The following PARVG variants were observed in gnomAD, a reference collection of about 807,000 sequenced individuals.
The protein encoded by PARVG is parvin gamma, also known as gamma-parvin.
A neutral mutation model predicts 44.4 loss-of-function variants in PARVG; 36 were observed. The observed-to-expected ratio is 0.81, with a 90% confidence interval of 0.62 to 1.07. The LOEUF is 1.07. Ranked by LOEUF, PARVG falls within the 50% of genes least tolerant of loss-of-function variation. The pLI is 0.00. For synonymous variants in PARVG, 170 were observed against 174.1 expected, an observed-to-expected ratio of 0.98 and a Z score of 0.19; for missense variants, 407 against 407.4, an observed-to-expected ratio of 1.00 and a Z score of 0.01.
chr22:44,182,100 C>G lies in PARVG; in HGVS notation c.-13+183C>G, dbSNP rs2054390078. 1.3e-5 allele frequency among the ~76,000 whole-genome samples: 2 copies of G among 152,142 alleles called. No individual in the cohort carries two copies. The highest frequency in any genetic ancestry group is 4.1e-4 in the South Asian group (2 of 4,824). The stretch of plus-strand genomic sequence containing the variant: ...CGGCTGCCCCTGCTCAGAGGCTGCT[C>G]GGCGTCCTCCCTCCCTGTTCTACTG... On this transcript the variant is annotated intron_variant, in intron 2 of 13. Coordinates refer to ENST00000444313, the MANE Select transcript of PARVG (RefSeq NM_022141.7). This position sits in a 1 kb window ranked among gnomAD's most constrained non-coding sequence, Gnocchi z 4.6.
chr22:44,191,958 G>A (rs1187625828), intron 7 of PARVG, 91 bp from the exon 8 acceptor site: 1 of 1,408,736 alleles, frequency 7.1e-7, no homozygotes, highest in Non-Finnish European at 1.0e-6. Context: ...GTCCTGAGGA[G>A]GGATGATACA....
At position 44,183,371 on chromosome 22, in the gene PARVG, G is replaced by A. The variant is rs531298440; in HGVS notation, c.42G>A (p.Lys14=). 23 of 1,609,906 alleles carry A rather than the reference G, an allele frequency of 1.4e-5. No individual in the cohort carries two copies. The Admixed American group carries it at 2.0e-4, about 14-fold the overall frequency. ...EFLYDLLQLP[K]GVEPPAEEEL... ...TGTACGACCTGCTGCAGCTCCCCAAGGGGGTGGAGCCCCCAGCGGAGGAGG... is the reference window on the plus strand; with the variant it reads ...TGTACGACCTGCTGCAGCTCCCCAAAGGGGTGGAGCCCCCAGCGGAGGAGG... Residue 14 remains lysine, a synonymous_variant, in exon 3 of 14, where the codon AAG becomes AAA. Transcript: ENST00000444313.
chr22:44,195,074 C>A (rs76879423), intron 9 of PARVG, among the ~76,000 whole-genome samples: 1 of 152,084 alleles, frequency 6.6e-6, no homozygotes, highest in Non-Finnish European at 1.5e-5. Flanking sequence ...GAGATAATAA[C>A]CTGCCAGGAG....
At chr22:44,184,297 G>A (rs564047989) in intron 3 of PARVG, 9 of 152,336 alleles carry the variant, frequency 5.9e-5, no homozygotes, top group South Asian at 2.1e-4. Context: ...AGCAGAATGC[G>A]GCTTTCTCCA....
intron 11 of PARVG, among the ~76,000 whole-genome samples, 191 bp downstream of exon 11, chr22:44,196,606 C>CGG (rs11404935): frequency 0.21 from 32,171 of 151,326 alleles, 4,221 homozygotes; most frequent in Middle Eastern, 0.34. Flanking sequence ...GGTGGGATCC[C>CGG]GGGGGTGGAG....
chr22:44,199,921 G>T (rs2054682838), intron 12 of PARVG, among the ~76,000 whole-genome samples: 1 of 152,178 alleles, frequency 6.6e-6, no homozygotes, highest in African/African-American at 2.4e-5. Flanking sequence ...TGGTGGACTG[G>T]CTGGGAGCTG....
At position 44,206,699 on chromosome 22, in the gene PARVG, C is replaced by A; in HGVS notation, c.*273C>A. 2.3e-6 allele frequency: 1 copy of A among 443,714 alleles called. No individual in the cohort carries two copies. Among genetic ancestry groups the A allele is most frequent in the Non-Finnish European group, 4.1e-6 (1 of 242,680 alleles). The allele number at this position is 443,714 out of a possible 1,614,324, so 27.5% of individuals were successfully genotyped here. ...GTCCTGAGGAGGGCCCTTAAACCTG[C>A]AGCCTCCCTCCCATGGGGTGAGTGT... On this transcript the variant is annotated 3_prime_UTR_variant, in exon 14 of 14. Coordinates refer to ENST00000444313, the MANE Select transcript of PARVG (RefSeq NM_022141.7).
chr22:44,189,350 C>G, intron 6 of PARVG, 96 bp downstream of exon 6: 1 of 1,510,676 alleles, frequency 6.6e-7, no homozygotes, highest in Non-Finnish European at 8.9e-7. Context: ...CGCACTCATC[C>G]TTCTCCCAGC....
Position 44,206,489 on chromosome 22 carries a change from G to C in PARVG, c.*63G>C. 2 of 1,450,346 alleles carry C rather than the reference G, an allele frequency of 1.4e-6. No individual in the cohort carries two copies. Among genetic ancestry groups the C allele is most frequent in the Non-Finnish European group, 1.9e-6 (2 of 1,032,742 alleles). The allele number at this position is 1,450,346 out of a possible 1,614,324, so 89.8% of individuals were successfully genotyped here. A position where few individuals can be genotyped will look rare whatever the true frequency, so the allele number is the denominator to read the frequency against. On this transcript the variant is annotated 3_prime_UTR_variant, in exon 14 of 14. Coordinates refer to ENST00000444313, the MANE Select transcript of PARVG (RefSeq NM_022141.7). ...CCCAGCTGGAGGGCCCGAGGCTGCA[G>C]GGTGTCCTCCCACAGTCCCGCTGTT...
intron 12 of PARVG, among the ~76,000 whole-genome samples, chr22:44,202,205 C>T (rs993276409): frequency 1.3e-5 from 2 of 152,326 alleles, no homozygotes; most frequent in Middle Eastern, 3.4e-3. Flanking sequence ...TCCTGTGGAG[C>T]CAATGTGAGT....
chr22:44,194,206 C>T (rs1040845813), intron 9 of PARVG, among the ~76,000 whole-genome samples: 1 of 150,480 alleles, frequency 6.6e-6, no homozygotes, highest in East Asian at 1.9e-4. Context: ...AAAGGGCACT[C>T]ACCTTTTAAA....
rs1427917151 is a variant in PARVG at position 44,183,410 on chromosome 22, T to C, written c.79+2T>C. The C allele has an allele frequency of 1.3e-6, 2 of 1,596,790 alleles. No individual in the cohort carries two copies. The highest frequency in any genetic ancestry group is 1.3e-5 in the African/African-American group (1 of 74,338). ...CAGCGGAGGAGGAGCTCTCAAAAGG[T>C]GTGTGCCCACGCAGGTCTGAGGGTG... On this transcript the variant is annotated splice_donor_variant, in intron 3 of 13. Transcript: ENST00000444313. LOFTEE classifies it high-confidence loss of function.
chr22:44,174,831 A>G (rs2054303759), intron 1 of PARVG, among the ~76,000 whole-genome samples: 1 of 151,456 alleles, frequency 6.6e-6, no homozygotes, highest in Non-Finnish European at 1.5e-5. Context: ...GTTCTCAAAT[A>G]TAACTGCCGT....
In PARVG at chr22:44,196,171, ATTAT is replaced by A. The variant is rs777632026; in HGVS notation, c.604_607del (p.Phe202SerfsTer7). 6.2e-7 allele frequency: 1 copy of A among 1,614,182 alleles called. No homozygotes were observed. The highest frequency in any genetic ancestry group is 1.1e-5 in the South Asian group (1 of 91,086). ...TGTCTGCAGAGGACGTCTTTGATGA[ATTAT>A]TTAAGCTGGCTCCGGAGAAAGTGAA... On this transcript the variant is annotated frameshift_variant, in exon 10 of 14. Coordinates refer to ENST00000444313, the MANE Select transcript of PARVG (RefSeq NM_022141.7). LOFTEE classifies it high-confidence loss of function.
Position 44,189,062 on chromosome 22 carries a change from C to T in PARVG, c.248-52C>T, listed in dbSNP as rs2054512815. 5 of 1,610,376 alleles carry T rather than the reference C, an allele frequency of 3.1e-6. No individual in the cohort carries two copies. In the South Asian group the frequency reaches 5.5e-5, roughly 18 times the overall value. On this transcript the variant is annotated intron_variant, in intron 5 of 13. Transcript: ENST00000444313. ...AGCCTCCTGGAGGGTCCCTGAGGTG[C>T]TCTCTGGTCTGTCCCCGGCCAGGGG...
rs146408965 is a variant in PARVG, at chr22:44,193,981, G to A, written c.583+158G>A. On this transcript the variant is annotated intron_variant, in intron 9 of 13. Coordinates refer to ENST00000444313, the MANE Select transcript of PARVG (RefSeq NM_022141.7). ...TTCTTATTCATTTGTCCCTCTTTCTGTCTGTCCATCCATGGAGCTGGCTGC... is the reference window on the plus strand; with the variant it reads ...TTCTTATTCATTTGTCCCTCTTTCTATCTGTCCATCCATGGAGCTGGCTGC... 3.2e-3 allele frequency among the ~76,000 whole-genome samples: 489 copies of A among 152,256 alleles called. 5 individuals carry two copies. Among genetic ancestry groups the A allele is most frequent in the African/African-American group, 0.011 (471 of 41,540 alleles).
At chr22:44,187,983 C>G in intron 5 of PARVG, 105 bp downstream of exon 5, 1 of 1,167,290 alleles carries the variant, frequency 8.6e-7, no homozygotes, top group Non-Finnish European at 1.3e-6. Context: ...CACAATGGTC[C>G]CGGGTTTAGG....
At chr22:44,179,715 C>T (rs1328605986), upstream of PARVG, among the ~76,000 whole-genome samples, 2 of 151,520 alleles carry the variant, frequency 1.3e-5, no homozygotes, top group Non-Finnish European at 1.5e-5. This position sits in a 1 kb window ranked among gnomAD's most constrained non-coding sequence, Gnocchi z 4.2. Flanking sequence ...TCCTGGAGGT[C>T]GTGTTGCCTG....
intron 4 of PARVG, 66 bp from the exon 5 acceptor site, chr22:44,187,710 G>A: frequency 1.3e-6 from 2 of 1,501,022 alleles, no homozygotes; most frequent in Non-Finnish European, 9.3e-7. Context: ...CAGGCATTCT[G>A]AGCCAGGTGG....
Sources: gnomAD v4.1 joint callset for allele counts (sites outside exome capture counted in the v4.1 genomes callset) on GRCh38, gnomAD v4.1.1 for gene constraint, Gnocchi (gnomAD v3.1) non-coding constraint, MANE v1.5 for transcripts, NCBI Gene and HGNC (gene_info 2026-07-23, HGNC 2026-07-21) for gene names.